The following GOLGB1 variants were observed in gnomAD, a reference collection of about 807,000 sequenced individuals.
The protein encoded by GOLGB1 is golgin subfamily B member 1.
Under a neutral mutation model 336.9 loss-of-function variants are expected in GOLGB1, and 174 were observed. That is an observed-to-expected ratio of 0.52 (90% CI 0.46 to 0.59). The LOEUF (loss-of-function observed/expected upper bound fraction) is 0.59. Among genes scored for constraint, GOLGB1 ranks in the 20% least tolerant of loss-of-function variants. GOLGB1 has a pLI of 0.00. For missense variants in GOLGB1, 3,331 were observed against 3,645.3 expected, an observed-to-expected ratio of 0.91 and a Z score of 2.22; for synonymous variants, 1,208 against 1,289.2, an observed-to-expected ratio of 0.94 and a Z score of 1.35.
intron 1 of GOLGB1, among the ~76,000 whole-genome samples, chr3:121,747,318 T>C (rs1947400012): frequency 7.0e-6 from 1 of 143,614 alleles, no homozygotes; most frequent in South Asian, 2.2e-4. Flanking sequence ...TATATGTATA[T>C]ATGTGTATAT....
chr3:121,742,188 G>T (rs1414019700), intron 1 of GOLGB1, among the ~76,000 whole-genome samples: 1 of 152,156 alleles, frequency 6.6e-6, no homozygotes, highest in Non-Finnish European at 1.5e-5. Context: ...AACAAAGCTG[G>T]AGGCATCACG....
chr3:121,742,850 C>T (rs965320716), intron 1 of GOLGB1, among the ~76,000 whole-genome samples: 16 of 152,144 alleles, frequency 1.1e-4, no homozygotes, highest in African/African-American at 3.9e-4. Flanking sequence ...ATGAAGCCAA[C>T]AGACACATGG....
intron 1 of GOLGB1, among the ~76,000 whole-genome samples, chr3:121,742,164 T>A (rs544480570): frequency 6.4e-4 from 97 of 152,156 alleles, no homozygotes; most frequent in African/African-American, 2.2e-3. Flanking sequence ...GCCAAGACAA[T>A]CTTAAGCAAA....
Position 121,667,534 on chromosome 3 carries a change from G to A in GOLGB1, c.9496C>T (p.Arg3166Ter), listed in dbSNP as rs772674748. ...TTCTCAGCAGCCACTCTTTGGTCTC[G>A]TTCTTCTTCCAGCAGCTTCCTTAAT... Reference protein sequence around the residue: ...NELRKLLEEERDQRVAAENAL... With the variant: ...NELRKLLEEE Residue 3166 changes from arginine to a stop codon, truncating the protein, a stop_gained, in exon 20 of 22, where the codon CGA becomes TGA. Transcript: ENST00000614479. LOFTEE classifies it high-confidence loss of function. The A allele has an allele frequency of 2.5e-6, 4 of 1,614,008 alleles. No individual in the cohort carries two copies. The highest frequency in any genetic ancestry group is 3.4e-6 in the Non-Finnish European group (4 of 1,179,916).
At chr3:121,700,413 A>T (rs1484033925) in intron 11 of GOLGB1, among the ~76,000 whole-genome samples, 1 of 152,134 alleles carries the variant, frequency 6.6e-6, no homozygotes, top group Non-Finnish European at 1.5e-5. Flanking sequence ...ATTAGAATCC[A>T]AGTCTTCAGA....
At chr3:121,743,318 A>T (rs538000290) in intron 1 of GOLGB1, among the ~76,000 whole-genome samples, 1 of 152,334 alleles carries the variant, frequency 6.6e-6, no homozygotes, top group East Asian at 1.9e-4. Context: ...CTTGGCAGGG[A>T]CATGGATGAA....
At chr3:121,741,355 G>A (rs572691157) in intron 1 of GOLGB1, among the ~76,000 whole-genome samples, 1 of 152,202 alleles carries the variant, frequency 6.6e-6, no homozygotes, top group South Asian at 2.1e-4. Flanking sequence ...ATGATTATAT[G>A]CTCTGACAAT....
intron 1 of GOLGB1, among the ~76,000 whole-genome samples, chr3:121,738,572 G>T (rs1214242139): frequency 6.6e-6 from 1 of 152,118 alleles, no homozygotes. Flanking sequence ...TGGCAAATGC[G>T]CCAAGCCAAT....
At chr3:121,670,074 T>C (rs1018013303) in intron 17 of GOLGB1, among the ~76,000 whole-genome samples, 1 of 152,168 alleles carries the variant, frequency 6.6e-6, no homozygotes, top group Non-Finnish European at 1.5e-5. Flanking sequence ...CCAAACCATT[T>C]AAAAAACTGA....
chr3:121,747,276 T>G (rs934938192), intron 1 of GOLGB1, among the ~76,000 whole-genome samples: 6 of 135,676 alleles, frequency 4.4e-5, no homozygotes, highest in Non-Finnish European at 7.8e-5. Context: ...TATGTATATA[T>G]GTATATATGT....
intron 17 of GOLGB1, among the ~76,000 whole-genome samples, chr3:121,670,340 G>A (rs1456244436): frequency 6.6e-6 from 1 of 152,044 alleles, no homozygotes; most frequent in African/African-American, 2.4e-5. Context: ...ATTCTTTTTT[G>A]TAAGTTTTTG....
At position 121,691,150 on chromosome 3, in the gene GOLGB1, A is replaced by C. The variant is rs747886835; in HGVS notation, c.8214T>G (p.Ile2738Met). ...TKENKGLTAQ[I>M]QSFGRSMSSL... ...AACTCATAGACCTTCCAAAAGACTG[A>C]ATTTGTGCTGTGAGACCTTTATTTT... Residue 2738 changes from isoleucine (I) to methionine (M), a missense_variant, in exon 14 of 22, where the codon ATT becomes ATG. Ile to Met is a conservative substitution (Grantham distance 10). Coordinates refer to ENST00000614479, the MANE Select transcript of GOLGB1 (RefSeq NM_001366282.2). 2 of 1,613,706 alleles carry C rather than the reference A, an allele frequency of 1.2e-6. No individual in the cohort carries two copies. The highest frequency in any genetic ancestry group is 1.7e-6 in the Non-Finnish European group (2 of 1,179,918).
At chr3:121,720,004 A>C (rs1319583025) in intron 6 of GOLGB1, among the ~76,000 whole-genome samples, 2 of 152,220 alleles carry the variant, frequency 1.3e-5, no homozygotes, top group Non-Finnish European at 2.9e-5. Flanking sequence ...AATTTTGATC[A>C]AAAATTATAT....
chr3:121,746,930 A>G (rs1439843317), intron 1 of GOLGB1, among the ~76,000 whole-genome samples: 1 of 151,878 alleles, frequency 6.6e-6, no homozygotes, highest in Admixed American at 6.6e-5. Flanking sequence ...TACACAGAAA[A>G]TATTTTATTT....
chr3:121,672,259 T>C (rs1939648556), intron 17 of GOLGB1, among the ~76,000 whole-genome samples: 1 of 152,094 alleles, frequency 6.6e-6, no homozygotes, highest in Non-Finnish European at 1.5e-5. Context: ...TGTATGGGAG[T>C]TCCCCCTTTC....
At chr3:121,731,122 T>C in intron 1 of GOLGB1, 149 bp from the exon 2 acceptor site, 2 of 756,850 alleles carry the variant, frequency 2.6e-6, no homozygotes, top group Non-Finnish European at 4.1e-6. Context: ...AATGATGTCT[T>C]CAAAAAGGCA....
chr3:121,693,716 G>A (rs775935757), intron 13 of GOLGB1, 25 bp downstream of exon 13: 28 of 1,529,536 alleles, frequency 1.8e-5, no homozygotes, highest in Non-Finnish European at 2.3e-5. Flanking sequence ...ACCTCTGGAG[G>A]AGGAAAAATT....
chr3:121,668,760 C>T (rs538049846), intron 18 of GOLGB1, among the ~76,000 whole-genome samples: 1 of 151,300 alleles, frequency 6.6e-6, no homozygotes, highest in South Asian at 2.1e-4. Context: ...CCTTGCTTGT[C>T]CAGCCCCTCC....
intron 10 of GOLGB1, among the ~76,000 whole-genome samples, chr3:121,708,975 T>C (rs1282208479): frequency 6.6e-6 from 1 of 152,034 alleles, no homozygotes; most frequent in Non-Finnish European, 1.5e-5. Context: ...ACATTTACTT[T>C]AAAGAAAAAC....
Sources: allele counts gnomAD v4.1 joint callset (sites outside exome capture counted in the v4.1 genomes callset), GRCh38; gene constraint gnomAD v4.1.1; transcripts MANE v1.5; gene names NCBI Gene and HGNC (gene_info 2026-07-23, HGNC 2026-07-21).